OTUD7A: variants seen among roughly 807,000 people sequenced by gnomAD.
OTUD7A encodes the protein OTU domain-containing protein 7A.
A neutral mutation model predicts 65.7 loss-of-function variants in OTUD7A; 12 were observed. The observed-to-expected ratio is 0.18, with a 90% CI of 0.12 to 0.30. The LOEUF (loss-of-function observed/expected upper bound fraction) is 0.30. OTUD7A is among the 10% of genes least tolerant of loss of function. OTUD7A has a pLI of 1.00. For missense variants in OTUD7A, 1,148 were observed against 1,304.8 expected (o/e 0.88, Z 1.85); for synonymous variants, 641 against 586.3 (o/e 1.09, Z -1.35).
intron 4 of OTUD7A, among the ~76,000 whole-genome samples, chr15:31,559,697 C>T (rs1595610735): frequency 6.6e-6 from 1 of 152,178 alleles, no homozygotes; most frequent in African/African-American, 2.4e-5. Flanking sequence ...TGCCCACGCA[C>T]ATACACTACA....
intron 5 of OTUD7A, among the ~76,000 whole-genome samples, chr15:31,549,349 A>C (rs1190807155): frequency 6.6e-6 from 1 of 152,144 alleles, no homozygotes; most frequent in East Asian, 1.9e-4. Flanking sequence ...AAGTAATGAC[A>C]CTGTATCTGT....
intron 1 of OTUD7A, among the ~76,000 whole-genome samples, chr15:31,759,226 T>C (rs1239359034): frequency 6.6e-6 from 1 of 152,216 alleles, no homozygotes; most frequent in Non-Finnish European, 1.5e-5. Context: ...GAATCACTTG[T>C]GCATCTTTTA....
intron 1 of OTUD7A, among the ~76,000 whole-genome samples, chr15:31,811,282 C>T (rs989845502): frequency 6.6e-6 from 1 of 151,652 alleles, no homozygotes; most frequent in Non-Finnish European, 1.5e-5. Context: ...ATTATTGAGA[C>T]CTTTTGGTTG....
chr15:31,576,555 C>T (rs986716841), intron 3 of OTUD7A, among the ~76,000 whole-genome samples: 1 of 152,160 alleles, frequency 6.6e-6, no homozygotes, highest in Admixed American at 6.5e-5. Flanking sequence ...GTACGTCTTA[C>T]ACATATTGAT....
intron 1 of OTUD7A, among the ~76,000 whole-genome samples, chr15:31,708,244 A>T (rs1276899365): frequency 6.6e-6 from 1 of 152,182 alleles, no homozygotes; most frequent in Admixed American, 6.5e-5. Context: ...GGTGGTAAAG[A>T]TGTGGGGAAA....
intron 3 of OTUD7A, among the ~76,000 whole-genome samples, chr15:31,571,834 C>G (rs889340847): frequency 6.6e-6 from 1 of 152,118 alleles, no homozygotes; most frequent in Admixed American, 6.5e-5. Flanking sequence ...ATGCCATCTC[C>G]CAAACACACT....
chr15:31,576,940 T>C (rs1377665147), intron 3 of OTUD7A, among the ~76,000 whole-genome samples: 1 of 152,064 alleles, frequency 6.6e-6, no homozygotes, highest in East Asian at 1.9e-4. Flanking sequence ...AATACCGCCT[T>C]TCTTTTGGAG....
chr15:31,826,549 A>G lies in OTUD7A; in HGVS notation c.-100+43958T>C, dbSNP rs1365163672. Among the ~76,000 whole-genome samples, 5 of 152,220 alleles carry G rather than the reference A, an allele frequency of 3.3e-5. No homozygotes were observed. In the South Asian group the frequency reaches 8.3e-4, roughly 25 times the overall value. Reference sequence around the variant, plus strand: ...AGGGGCTGATGTGAAGACATCTGACATGCCCTGGAAACATTTTCCCCATTG... The same window carrying G: ...AGGGGCTGATGTGAAGACATCTGACGTGCCCTGGAAACATTTTCCCCATTG... On this transcript the variant is annotated intron_variant, in intron 1 of 12. Coordinates refer to ENST00000307050, the MANE Select transcript of OTUD7A (RefSeq NM_001382637.1).
chr15:31,619,569 G>GTTTC (rs1450598139), intron 3 of OTUD7A, among the ~76,000 whole-genome samples: 1 of 150,426 alleles, frequency 6.6e-6, no homozygotes, highest in Non-Finnish European at 1.5e-5. Flanking sequence ...TTGGCTCTCT[G>GTTTC]TCTGTTATTG....
chr15:31,744,367 G>A (rs546060587), intron 1 of OTUD7A, among the ~76,000 whole-genome samples: 2 of 152,218 alleles, frequency 1.3e-5, no homozygotes, highest in South Asian at 4.1e-4. Flanking sequence ...TGTATTAGTT[G>A]AGTCCTGTAA....
chr15:31,540,960 G>C (rs1406641211), intron 5 of OTUD7A, among the ~76,000 whole-genome samples: 1 of 152,154 alleles, frequency 6.6e-6, no homozygotes, highest in Non-Finnish European at 1.5e-5. Context: ...GAAGTGTTTA[G>C]GAGCTTTTAT....
chr15:31,532,248 G>A (rs1566906824), intron 5 of OTUD7A, among the ~76,000 whole-genome samples: 1 of 152,136 alleles, frequency 6.6e-6, no homozygotes, highest in Non-Finnish European at 1.5e-5. Context: ...GTCATCCTAA[G>A]AATACTTCAA....
intron 10 of OTUD7A, among the ~76,000 whole-genome samples, chr15:31,500,830 T>C (rs959576668): frequency 6.6e-6 from 1 of 152,260 alleles, no homozygotes; most frequent in African/African-American, 2.4e-5. Flanking sequence ...ATAGTTGGTC[T>C]TGCCTGTCCG....
At chr15:31,505,146 T>C (rs2041540316) in intron 8 of OTUD7A, among the ~76,000 whole-genome samples, 2 of 152,222 alleles carry the variant, frequency 1.3e-5, no homozygotes, top group Admixed American at 1.3e-4. Context: ...ATGTCCACCT[T>C]ATTGCTGTGT....
intron 4 of OTUD7A, among the ~76,000 whole-genome samples, chr15:31,566,703 G>A (rs958251433): frequency 6.6e-6 from 1 of 152,158 alleles, no homozygotes; most frequent in African/African-American, 2.4e-5. Flanking sequence ...TATCCCCTTG[G>A]TGATAAGTGA....
At chr15:31,819,259 A>C (rs1428710975) in intron 1 of OTUD7A, among the ~76,000 whole-genome samples, 1 of 152,198 alleles carries the variant, frequency 6.6e-6, no homozygotes, top group Non-Finnish European at 1.5e-5. Flanking sequence ...TGTTGGATAA[A>C]TGGCTTAGGG....
At chr15:31,850,608 C>G (rs1897399938) in intron 1 of OTUD7A, among the ~76,000 whole-genome samples, 1 of 152,094 alleles carries the variant, frequency 6.6e-6, no homozygotes, top group Admixed American at 6.6e-5. Context: ...TGCAGGCTCT[C>G]TGGTTTGTGG....
chr15:31,811,713 C>CCT (rs1007879226), intron 1 of OTUD7A, among the ~76,000 whole-genome samples: 9 of 152,172 alleles, frequency 5.9e-5, no homozygotes, highest in Admixed American at 5.2e-4. Flanking sequence ...GCCTCACCAT[C>CCT]CTCACTCTGT....
Position 31,678,091 on chromosome 15 carries a change from G to A in OTUD7A, c.-99-21014C>T, listed in dbSNP as rs563678076. Among the ~76,000 whole-genome samples, 10 of 152,336 alleles carry A rather than the reference G, an allele frequency of 6.6e-5. No homozygotes were observed. The South Asian group carries it at 1.0e-3, about 16-fold the overall frequency. ...AAGAGACTGGTGGCATTTTGCCCCT[G>A]CCCTAGGGATCTGTGGAACTCTGAA... On this transcript the variant is annotated intron_variant, in intron 1 of 12. Transcript: ENST00000307050.
Sources: gnomAD v4.1 joint callset for allele counts (sites outside exome capture counted in the v4.1 genomes callset) on GRCh38, gnomAD v4.1.1 for gene constraint, MANE v1.5 for transcripts, NCBI Gene and HGNC (gene_info 2026-07-23, HGNC 2026-07-21) for gene names.